DIAPH1: variants seen among roughly 807,000 people sequenced by gnomAD.
The protein encoded by DIAPH1 is protein diaphanous homolog 1.
Under a neutral mutation model 140.7 loss-of-function variants are expected in DIAPH1, and 46 were observed. That is an observed-to-expected ratio of 0.33 (90% CI 0.26 to 0.42). DIAPH1 has a LOEUF of 0.42. Ranked by LOEUF, DIAPH1 falls within the 10% of genes least tolerant of loss-of-function variation. DIAPH1 has a pLI of 1.00. For missense variants in DIAPH1, 1,310 were observed against 1,558.7 expected (o/e 0.84, Z 2.69); for synonymous variants, 565 against 551.6 (o/e 1.02, Z -0.34).
chr5:141,590,305 CAA>C (rs1172613899), intron 1 of DIAPH1, among the ~76,000 whole-genome samples: 1 of 152,106 alleles, frequency 6.6e-6, no homozygotes. Flanking sequence ...CAGAATAGGT[CAA>C]GAGTCCACTG....
intron 1 of DIAPH1, among the ~76,000 whole-genome samples, chr5:141,600,876 A>G (rs2099900039): frequency 6.6e-6 from 1 of 152,246 alleles, no homozygotes; most frequent in South Asian, 2.1e-4. Context: ...CACTCAAGCC[A>G]GGTTCTAAAT....
intron 1 of DIAPH1, among the ~76,000 whole-genome samples, chr5:141,590,923 A>G (rs2099898299): frequency 6.6e-6 from 1 of 152,086 alleles, no homozygotes; most frequent in African/African-American, 2.4e-5. Flanking sequence ...CATCTGCCCC[A>G]TACCACATCC....
In DIAPH1 at chr5:141,528,829, C is replaced by T. The variant is rs748850690; in HGVS notation, c.2891G>A (p.Cys964Tyr). 4.3e-6 allele frequency: 7 copies of T among 1,614,256 alleles called. No homozygotes were observed. Among genetic ancestry groups the T allele is most frequent in the Non-Finnish European group, 5.9e-6 (7 of 1,180,046 alleles). ...KPEIVSVTAA[C>Y]EELRKSESFS... ...GCTCTCACTCTTACGTAACTCCTCA[C>T]ATGCAGCAGTGACAGACACAATCTC... Residue 964 changes from cysteine to tyrosine, a missense_variant, in exon 22 of 28, where the codon TGT becomes TAT. Coordinates refer to ENST00000389054, the MANE Select transcript of DIAPH1 (RefSeq NM_005219.5).
At chr5:141,579,547 T>C (rs1596384816) in intron 8 of DIAPH1, among the ~76,000 whole-genome samples, 1 of 152,326 alleles carries the variant, frequency 6.6e-6, no homozygotes, top group East Asian at 1.9e-4. Flanking sequence ...TAGAAATGTA[T>C]CCAACATATG....
intron 14 of DIAPH1, 73 bp downstream of exon 14, chr5:141,576,157 T>C: frequency 7.8e-7 from 1 of 1,281,712 alleles, no homozygotes; most frequent in South Asian, 1.2e-5. Context: ...GAAAACTGTC[T>C]CATAGATCAG....
rs761400307 is a variant in DIAPH1, at chr5:141,584,166, G to A, written c.360C>T (p.Ile120=). 6.2e-7 allele frequency: 1 copy of A among 1,613,074 alleles called. No homozygotes were observed. The highest frequency in any genetic ancestry group is 1.1e-5 in the South Asian group (1 of 90,962). The change falls in exon 4 of 28, where the codon ATC becomes ATT. Residue 120 remains isoleucine, a synonymous_variant. Transcript: ENST00000389054. Reference sequence around the variant, plus strand: ...AGTATTGGGACACCATCTCCCTCTTGATGATGATGTCCTTCTCCCTCAAAG... The same window carrying A: ...AGTATTGGGACACCATCTCCCTCTTAATGATGATGTCCTTCTCCCTCAAAG... ...QQPLREKDII[I]KREMVSQYLY...
chr5:141,557,265 T>G (rs551741507), intron 18 of DIAPH1, among the ~76,000 whole-genome samples: 129 of 152,306 alleles, frequency 8.5e-4, no homozygotes, highest in African/African-American at 3.1e-3. Flanking sequence ...TGACACACAT[T>G]CTGAACTGCT....
intron 27 of DIAPH1, among the ~76,000 whole-genome samples, chr5:141,522,858 A>C (rs2099886773): frequency 6.6e-6 from 1 of 152,216 alleles, no homozygotes; most frequent in Non-Finnish European, 1.5e-5. Flanking sequence ...AAAATGGGTA[A>C]GAACTTTGAC....
intron 10 of DIAPH1, 54 bp downstream of exon 10, chr5:141,578,461 C>G: frequency 6.5e-7 from 1 of 1,540,444 alleles, no homozygotes; most frequent in African/African-American, 1.4e-5. Context: ...ATTATTGGGG[C>G]TGTAGAGCAA....
At chr5:141,591,713 T>G (rs1303119016) in intron 1 of DIAPH1, among the ~76,000 whole-genome samples, 9 of 107,000 alleles carry the variant, frequency 8.4e-5, no homozygotes, top group African/African-American at 3.2e-4. Flanking sequence ...TATATATATA[T>G]ATATATATAT....
intron 18 of DIAPH1, chr5:141,564,770 G>GAA (rs1413488913): frequency 6.6e-6 from 1 of 151,976 alleles, no homozygotes; most frequent in Non-Finnish European, 1.5e-5. Context: ...TTATTGCAAG[G>GAA]AAAAAAAGTA....
At chr5:141,531,575 C>A (rs2099888240) in intron 19 of DIAPH1, among the ~76,000 whole-genome samples, 1 of 152,146 alleles carries the variant, frequency 6.6e-6, no homozygotes, top group African/African-American at 2.4e-5. Flanking sequence ...GCAACCTCCG[C>A]TTCCCGGGTT....
chr5:141,548,957 C>T (rs372854499), intron 18 of DIAPH1, among the ~76,000 whole-genome samples: 22 of 151,966 alleles, frequency 1.4e-4, no homozygotes, highest in East Asian at 7.7e-4. Flanking sequence ...AGGTATATAA[C>T]GACAGGGGAA....
Position 141,516,995 on chromosome 5 carries a change from G to A in DIAPH1, c.3675C>T (p.Ala1225=), listed in dbSNP as rs371385202. The part of the protein sequence containing the change: ...KRGPRQANRK[A]GCAVTSLLAS... ...CTAGCAGAGATGTGACTGCACACCC[G>A]GCCTTCCTGTTGGCTGCAAGAGAAG... The change falls in exon 28 of 28, where the codon GCC becomes GCT. Residue 1225 remains alanine, a synonymous_variant. Transcript: ENST00000389054. 134 of 1,614,052 alleles carry A rather than the reference G, an allele frequency of 8.3e-5. No individual in the cohort carries two copies. Among genetic ancestry groups the A allele is most frequent in the Non-Finnish European group, 1.1e-4 (125 of 1,180,030 alleles).
intron 18 of DIAPH1, chr5:141,564,432 G>A (rs1042616706): frequency 4.6e-5 from 7 of 152,198 alleles, no homozygotes; most frequent in Non-Finnish European, 1.0e-4. Flanking sequence ...CACACTGCTA[G>A]AAATAAAATA....
At chr5:141,582,684 C>T (rs924708135) in intron 6 of DIAPH1, among the ~76,000 whole-genome samples, 2 of 152,194 alleles carry the variant, frequency 1.3e-5, no homozygotes, top group Admixed American at 1.3e-4. Flanking sequence ...TGCTGCTTGC[C>T]TTGCTACTAG....
intron 1 of DIAPH1, among the ~76,000 whole-genome samples, chr5:141,604,582 A>G (rs937419936): frequency 4.6e-5 from 7 of 152,210 alleles, no homozygotes; most frequent in African/African-American, 1.7e-4. Context: ...GACACACCCA[A>G]AGCCTAGCAG....
intron 18 of DIAPH1, 103 bp from the exon 19 acceptor site, chr5:141,534,536 AT>A: frequency 1.2e-6 from 1 of 865,792 alleles, no homozygotes; most frequent in Non-Finnish European, 1.9e-6. Context: ...CTTCCTCTCT[AT>A]TATAATGGTC....
chr5:141,582,406 C>A, intron 6 of DIAPH1, 31 bp from the exon 7 acceptor site: 1 of 1,489,258 alleles, frequency 6.7e-7, no homozygotes, highest in South Asian at 1.1e-5. Flanking sequence ...CAGTGAGGTC[C>A]CTTTATTCTC....
Sources: allele counts gnomAD v4.1 joint callset (sites outside exome capture counted in the v4.1 genomes callset), GRCh38; gene constraint gnomAD v4.1.1; transcripts MANE v1.5; gene names NCBI Gene and HGNC (gene_info 2026-07-23, HGNC 2026-07-21).